BAG3: variants seen among roughly 807,000 people sequenced by gnomAD.
BAG3 encodes BAG family molecular chaperone regulator 3.
BAG3 carries 14 observed loss-of-function variants against 40.5 expected under a neutral mutation model. The ratio of observed to expected loss-of-function variants is 0.35; its 90% CI spans 0.23 to 0.54. The LOEUF is 0.54. Ranked by LOEUF, BAG3 falls within the 20% of genes least tolerant of loss-of-function variation. BAG3 has a pLI of 0.91. For synonymous variants in BAG3, 302 were observed against 307.8 expected (o/e 0.98, Z 0.20); for missense variants, 788 against 758.6 (o/e 1.04, Z -0.46).
chr10:119,677,228 G>T lies in BAG3; in HGVS notation c.1674G>T (p.Ala558=). Residue 558 remains alanine, a synonymous_variant, in exon 4 of 4, where the codon GCG becomes GCT. Transcript: ENST00000369085. ...ETQQPEATAA[A]TSNPSSMTDT... ...AGCAGCCAGAAGCCACAGCAGCAGC[G>T]ACTTCAAACCCCAGCAGCATGACAG... The T allele has an allele frequency of 1.2e-6, 2 of 1,614,098 alleles. No individual in the cohort carries two copies. The highest frequency in any genetic ancestry group is 8.5e-7 in the Non-Finnish European group (1 of 1,180,030).
intron 1 of BAG3, among the ~76,000 whole-genome samples, chr10:119,656,386 T>TA (rs1846911510): frequency 6.6e-6 from 1 of 150,584 alleles, no homozygotes; most frequent in African/African-American, 2.4e-5. Flanking sequence ...TTCTTTTTTT[T>TA]TTTTTTTTTT....
At chr10:119,674,942 A>G (rs1847199191) in intron 3 of BAG3, among the ~76,000 whole-genome samples, 1 of 152,140 alleles carries the variant, frequency 6.6e-6, no homozygotes, top group Non-Finnish European at 1.5e-5. Context: ...ACCACTGCAC[A>G]CTCCAGCCTG....
At chr10:119,665,092 T>TTTGTGTGTGTGTGTGTG (rs1554876558) in intron 1 of BAG3, among the ~76,000 whole-genome samples, 43 of 87,972 alleles carry the variant, frequency 4.9e-4, no homozygotes, top group Admixed American at 7.6e-4. Flanking sequence ...TAATTTTTGT[T>TTTGTGTGTGTGTGTGTG]TGTGTGTGTG....
chr10:119,675,645 G>A (rs1246264279), intron 3 of BAG3, among the ~76,000 whole-genome samples: 1 of 152,172 alleles, frequency 6.6e-6, no homozygotes. Context: ...AGGACCAGAG[G>A]CAGCGACTCC....
In BAG3 at chr10:119,651,393, G is replaced by C; in HGVS notation, c.-283G>C. ...GGGCGGAGCTCCGCATCCAACCCCGGGCCGCGGCCAACTTCTCTGGACTGG... is the reference window on the plus strand; with the variant it reads ...GGGCGGAGCTCCGCATCCAACCCCGCGCCGCGGCCAACTTCTCTGGACTGG... On this transcript the variant is annotated 5_prime_UTR_variant, in exon 1 of 4. Coordinates refer to ENST00000369085, the MANE Select transcript of BAG3 (RefSeq NM_004281.4). 1 of 329,532 alleles carries C rather than the reference G, an allele frequency of 3.0e-6. No homozygotes were observed. The highest frequency in any genetic ancestry group is 5.0e-5 in the Admixed American group (1 of 19,898). The allele number at this position is 329,532 out of a possible 1,614,324, so 20.4% of individuals were successfully genotyped here. A position where few individuals can be genotyped will look rare whatever the true frequency, so the allele number is the denominator to read the frequency against.
chr10:119,659,714 C>T (rs1298403067), intron 1 of BAG3, among the ~76,000 whole-genome samples: 1 of 152,226 alleles, frequency 6.6e-6, no homozygotes, highest in African/African-American at 2.4e-5. Context: ...TACACTGAGA[C>T]CTAACAGGCA....
chr10:119,674,868 G>A (rs901042191), intron 3 of BAG3, among the ~76,000 whole-genome samples: 4 of 151,962 alleles, frequency 2.6e-5, no homozygotes, highest in African/African-American at 7.3e-5. Flanking sequence ...CCAGCTACTC[G>A]GGAGGCTGGG....
At chr10:119,669,254 C>T (rs1460124671) in intron 1 of BAG3, among the ~76,000 whole-genome samples, 1 of 152,150 alleles carries the variant, frequency 6.6e-6, no homozygotes, top group Non-Finnish European at 1.5e-5. Flanking sequence ...CCCTGGGTGC[C>T]CCTCTCTCCC....
At chr10:119,652,637 T>G (rs747362655) in intron 1 of BAG3, among the ~76,000 whole-genome samples, 1 of 152,194 alleles carries the variant, frequency 6.6e-6, no homozygotes, top group Non-Finnish European at 1.5e-5. Flanking sequence ...TGCCTCACAC[T>G]GGAGAGAAAG....
At chr10:119,654,996 G>C (rs1846892010) in intron 1 of BAG3, among the ~76,000 whole-genome samples, 1 of 152,176 alleles carries the variant, frequency 6.6e-6, no homozygotes, top group African/African-American at 2.4e-5. Flanking sequence ...AATCTGAATT[G>C]CTCAGTGTAG....
intron 2 of BAG3, among the ~76,000 whole-genome samples, chr10:119,670,437 G>A (rs932833926): frequency 1.2e-4 from 18 of 152,338 alleles, no homozygotes; most frequent in Middle Eastern, 3.4e-3. Flanking sequence ...GGAACGGCTC[G>A]GAAGGGCACA....
chr10:119,677,334 T>C lies in BAG3; in HGVS notation c.*52T>C, dbSNP rs1405679386. On this transcript the variant is annotated 3_prime_UTR_variant, in exon 4 of 4. Coordinates refer to ENST00000369085, the MANE Select transcript of BAG3 (RefSeq NM_004281.4). ...GAACCGATGTGTGCTTTAGGGAATT[T>C]TAAGTTGCATGCATTTCAGAGACTT... is the stretch of plus-strand genomic sequence containing the variant. 6.2e-7 allele frequency: 1 copy of C among 1,607,310 alleles called. No homozygotes were observed. Among genetic ancestry groups the C allele is most frequent in the South Asian group, 1.1e-5 (1 of 90,798 alleles).
Position 119,669,560 on chromosome 10 carries a change from A to G in BAG3, c.181-291A>G, listed in dbSNP as rs7900065. ...CTCTCCTACACTCACCGCTTCCCTC[A>G]GTCACCCAGAAAAGAAACCTGTCTT... On this transcript the variant is annotated intron_variant, in intron 1 of 3. Coordinates refer to ENST00000369085, the MANE Select transcript of BAG3 (RefSeq NM_004281.4). Among the ~76,000 whole-genome samples, 10,268 of 152,282 alleles carry G rather than the reference A, an allele frequency of 0.067. 400 individuals carry two copies. Among genetic ancestry groups the G allele is most frequent in the Middle Eastern group, 0.17 (51 of 294 alleles).
At position 119,677,248 on chromosome 10, in the gene BAG3, T is replaced by G; in HGVS notation, c.1694T>G (p.Met565Arg). 6.2e-7 allele frequency: 1 copy of G among 1,614,126 alleles called. No homozygotes were observed. The highest frequency in any genetic ancestry group is 8.5e-7 in the Non-Finnish European group (1 of 1,180,044). The change falls in exon 4 of 4, where the codon ATG (methionine) becomes AGG (arginine). Residue 565 changes from methionine (M) to arginine (R), a missense_variant. Transcript: ENST00000369085. ...GCAGCGACTTCAAACCCCAGCAGCA[T>G]GACAGACACCCCTGGTAACCCAGCA... ...TAAATSNPSS[M>R]TDTPGNPAAP
At position 119,677,628 on chromosome 10, in the gene BAG3, C is replaced by T. The variant is rs1847259704; in HGVS notation, c.*346C>T. The stretch of plus-strand genomic sequence containing the variant: ...GGAGGGGTAGATGGGGAGTCAATTA[C>T]CCATCACATAAATATGAAACATTTA... On this transcript the variant is annotated 3_prime_UTR_variant, in exon 4 of 4. Coordinates refer to ENST00000369085, the MANE Select transcript of BAG3 (RefSeq NM_004281.4). 2 of 344,590 alleles carry T rather than the reference C, an allele frequency of 5.8e-6. No individual in the cohort carries two copies. The highest frequency in any genetic ancestry group is 4.2e-5 in the Admixed American group (1 of 23,804). The allele number at this position is 344,590 out of a possible 1,614,324, so 21.3% of individuals were successfully genotyped here.
At position 119,665,141 on chromosome 10, in the gene BAG3, T is replaced by TTTTTC. The variant is rs770421648; in HGVS notation, c.181-4710_181-4709insTTTTC. Among the ~76,000 whole-genome samples, 44 of 85,906 alleles carry TTTTTC rather than the reference T, an allele frequency of 5.1e-4. 1 individual carries two copies. The highest frequency in any genetic ancestry group is 6.8e-3 in the Middle Eastern group (1 of 146). The allele number at this position is 85,906 out of a possible 152,430, so 56.4% of individuals were successfully genotyped here. ...GTGTGTGTGTGTATATATATATATA[T>TTTTTC]ATATTTTTTTTTTTAGTTGGAGTCT... On this transcript the variant is annotated intron_variant, in intron 1 of 3. Transcript: ENST00000369085.
In BAG3 at chr10:119,651,970, C is replaced by T. The variant is rs563146298; in HGVS notation, c.180+115C>T. On this transcript the variant is annotated intron_variant, in intron 1 of 3. Transcript: ENST00000369085. ...GCGGGGCCCGGGGGTCGGCGAAGGCCCCTCGCGGGCGGACACCGGCTCCGC... is the reference window on the plus strand; with the variant it reads ...GCGGGGCCCGGGGGTCGGCGAAGGCTCCTCGCGGGCGGACACCGGCTCCGC... 7.3e-5 allele frequency: 68 copies of T among 936,050 alleles called. No homozygotes were observed. In the African/African-American group the frequency reaches 1.1e-3, roughly 15 times the overall value. 58.0% of individuals were successfully genotyped at this position (936,050 alleles called of 1,614,324 possible).
Position 119,672,811 on chromosome 10 carries a change from C to G in BAG3, c.909+155C>G, listed in dbSNP as rs550743684. On this transcript the variant is annotated intron_variant, in intron 3 of 3. Coordinates refer to ENST00000369085, the MANE Select transcript of BAG3 (RefSeq NM_004281.4). This position sits in a 1 kb window ranked among gnomAD's most constrained non-coding sequence, Gnocchi z 4.8. ...GATTCGAGAAATTGCTAGGTATTAA[C>G]AGAAATGCAGGACAGTTGCTCAGGC... Among the ~76,000 whole-genome samples the G allele has an allele frequency of 6.6e-6, 1 of 152,316 alleles. No individual in the cohort carries two copies. Among genetic ancestry groups the G allele is most frequent in the South Asian group, 2.1e-4 (1 of 4,824 alleles).
chr10:119,659,351 G>A (rs1157414509), intron 1 of BAG3, among the ~76,000 whole-genome samples: 1 of 152,210 alleles, frequency 6.6e-6, no homozygotes, highest in Non-Finnish European at 1.5e-5. Flanking sequence ...CAGCCGCAAA[G>A]TACCAGGCAG....
Sources: allele counts gnomAD v4.1 joint callset (sites outside exome capture counted in the v4.1 genomes callset), GRCh38; gene constraint gnomAD v4.1.1; non-coding constraint Gnocchi (gnomAD v3.1); transcripts MANE v1.5; gene names NCBI Gene and HGNC (gene_info 2026-07-23, HGNC 2026-07-21).